The following COL25A1 variants were observed in gnomAD, a reference collection of about 807,000 sequenced individuals.
COL25A1 encodes collagen type XXV alpha 1 chain.
In COL25A1, 103 loss-of-function variants were observed where a neutral mutation model predicts 128.4. The observed-to-expected ratio is 0.80, with a 90% CI of 0.68 to 0.94. COL25A1 has a LOEUF of 0.94. Among genes scored for constraint, COL25A1 ranks in the 40% least tolerant of loss-of-function variants. COL25A1 has a pLI of 0.00. For missense variants in COL25A1, 745 were observed against 840.0 expected, an observed-to-expected ratio of 0.89 and a Z score of 1.40; for synonymous variants, 279 against 277.2, an observed-to-expected ratio of 1.01 and a Z score of -0.06.
intron 16 of COL25A1, among the ~76,000 whole-genome samples, chr4:108,896,019 C>T (rs1272267233): frequency 7.0e-6 from 1 of 142,142 alleles, no homozygotes; most frequent in Non-Finnish European, 1.5e-5. Context: ...GATCTCCGCT[C>T]ACTGCAAGCT....
intron 3 of COL25A1, among the ~76,000 whole-genome samples, chr4:109,273,725 T>C (rs114725841): frequency 6.4e-4 from 97 of 152,198 alleles, no homozygotes; most frequent in African/African-American, 2.2e-3. Flanking sequence ...ACCATCCTTA[T>C]AATTAGAAAA....
intron 5 of COL25A1, among the ~76,000 whole-genome samples, chr4:109,035,004 A>C (rs1408583730): frequency 6.6e-6 from 1 of 152,228 alleles, no homozygotes; most frequent in African/African-American, 2.4e-5. Context: ...GTTTAAAAGT[A>C]AGAAGTTTGA....
intron 3 of COL25A1, among the ~76,000 whole-genome samples, chr4:109,141,400 T>G (rs546161750): frequency 4.6e-5 from 7 of 151,802 alleles, no homozygotes; most frequent in East Asian, 3.9e-4. Context: ...TTTCCTTTTT[T>G]TGTGTGTGTC....
intron 3 of COL25A1, among the ~76,000 whole-genome samples, chr4:109,104,236 G>T (rs1014669179): frequency 3.3e-5 from 5 of 151,944 alleles, no homozygotes; most frequent in African/African-American, 1.2e-4. Context: ...AGCTGGGTAT[G>T]TTGGCACATA....
intron 13 of COL25A1, among the ~76,000 whole-genome samples, chr4:108,909,450 C>CT (rs1182554575): frequency 1.3e-5 from 2 of 152,114 alleles, no homozygotes; most frequent in Non-Finnish European, 2.9e-5. Context: ...CCAAACCTTC[C>CT]TTATGCTTTT....
intron 22 of COL25A1, 129 bp from the exon 23 acceptor site, chr4:108,861,100 C>T (rs1737157173): frequency 2.8e-6 from 2 of 707,178 alleles, no homozygotes; most frequent in Non-Finnish European, 4.9e-6. Context: ...CAACAGCAAC[C>T]ACCACCAAAA....
chr4:109,247,554 A>G (rs1426326809), intron 3 of COL25A1, among the ~76,000 whole-genome samples: 17 of 152,202 alleles, frequency 1.1e-4, no homozygotes, highest in Admixed American at 9.8e-4. Context: ...CTTACGTACA[A>G]TGCAAGGGCT....
At chr4:109,171,961 G>A (rs1366971004) in intron 3 of COL25A1, among the ~76,000 whole-genome samples, 1 of 152,084 alleles carries the variant, frequency 6.6e-6, no homozygotes, top group Non-Finnish European at 1.5e-5. Flanking sequence ...ATATCCCAGG[G>A]AATAAGGCCT....
intron 11 of COL25A1, among the ~76,000 whole-genome samples, chr4:108,923,627 T>C (rs1745716118): frequency 6.6e-6 from 1 of 152,214 alleles, no homozygotes; most frequent in South Asian, 2.1e-4. Context: ...ATTACAAGTG[T>C]TAGCTACTAC....
Position 108,841,574 on chromosome 4 carries a change from G to T in COL25A1, c.1656+121C>A, listed in dbSNP as rs534838756. ...GATTTAAACATATGGATGCTTAAAG[G>T]CTCAAAGATTATCAACATTACTTGA... On this transcript the variant is annotated intron_variant, in intron 31 of 37. Transcript: ENST00000399132. 13 of 793,108 alleles carry T rather than the reference G, an allele frequency of 1.6e-5. No individual in the cohort carries two copies. In the South Asian group the frequency reaches 2.3e-4, roughly 14 times the overall value. 49.1% of individuals were successfully genotyped at this position (793,108 alleles called of 1,614,324 possible). A position where few individuals can be genotyped will look rare whatever the true frequency, so the allele number is the denominator to read the frequency against.
Position 108,827,134 on chromosome 4 carries a change from C to A in COL25A1, c.1764+1G>T. 6.2e-7 allele frequency: 1 copy of A among 1,613,652 alleles called. No individual in the cohort carries two copies. The highest frequency in any genetic ancestry group is 8.5e-7 in the Non-Finnish European group (1 of 1,179,740). Reference sequence around the variant, plus strand: ...GGAGGTGCATGTGACCAGGAACTCACAGGCAGCCCATAGGGCCCTCTTGGT... The same window carrying A: ...GGAGGTGCATGTGACCAGGAACTCAAAGGCAGCCCATAGGGCCCTCTTGGT... On this transcript the variant is annotated splice_donor_variant, in intron 33 of 37. Transcript: ENST00000399132. LOFTEE classifies it high-confidence loss of function.
intron 34 of COL25A1, among the ~76,000 whole-genome samples, chr4:108,824,666 A>G (rs1232395297): frequency 1.3e-5 from 2 of 152,230 alleles, no homozygotes; most frequent in Non-Finnish European, 2.9e-5. Flanking sequence ...CATAAACAGT[A>G]ACTAGTATTA....
At chr4:108,995,227 G>A (rs1025741520) in intron 6 of COL25A1, among the ~76,000 whole-genome samples, 6 of 152,202 alleles carry the variant, frequency 3.9e-5, no homozygotes, top group Admixed American at 6.5e-5. Flanking sequence ...TTGACAAAAG[G>A]TTAGATGAAT....
chr4:109,071,226 G>A (rs1258179802), intron 3 of COL25A1, among the ~76,000 whole-genome samples: 1 of 152,100 alleles, frequency 6.6e-6, no homozygotes. Context: ...AATGGTGCTG[G>A]GAAAACTGGC....
intron 6 of COL25A1, among the ~76,000 whole-genome samples, chr4:108,989,952 C>A (rs916967424): frequency 6.6e-6 from 1 of 151,876 alleles, no homozygotes; most frequent in African/African-American, 2.4e-5. Flanking sequence ...GTGGCTTACT[C>A]CCGTAATGCC....
intron 3 of COL25A1, among the ~76,000 whole-genome samples, chr4:109,278,844 T>C (rs756931630): frequency 6.6e-6 from 1 of 152,206 alleles, no homozygotes; most frequent in Non-Finnish European, 1.5e-5. Context: ...AAAATTAACT[T>C]TTATTTCTCA....
chr4:109,235,896 T>C (rs1779445370), intron 3 of COL25A1, among the ~76,000 whole-genome samples: 1 of 152,204 alleles, frequency 6.6e-6, no homozygotes, highest in South Asian at 2.1e-4. Context: ...AACCTTCTCA[T>C]TGGCACAGAT....
At position 108,831,687 on chromosome 4, in the gene COL25A1, GGAGAGAGA is replaced by G. The variant is rs3062875; in HGVS notation, c.1710+685_1710+692del. On this transcript the variant is annotated intron_variant, in intron 32 of 37. Coordinates refer to ENST00000399132, the MANE Select transcript of COL25A1 (RefSeq NM_198721.4). Reference sequence around the variant, plus strand: ...GAGAAAAACAGAAAGAGAGAGAGGGGGAGAGAGAGAGAGAGAGAGAGAGAGAGAGCGCA... The same window carrying G: ...GAGAAAAACAGAAAGAGAGAGAGGGGGAGAGAGAGAGAGAGAGAGAGCGCA... Among the ~76,000 whole-genome samples, 556 of 144,274 alleles carry G rather than the reference GGAGAGAGA, an allele frequency of 3.9e-3. 2 individuals carry two copies. Among genetic ancestry groups the G allele is most frequent in the South Asian group, 5.4e-3 (24 of 4,458 alleles). 94.6% of individuals were successfully genotyped at this position (144,274 alleles called of 152,430 possible). A position where few individuals can be genotyped will look rare whatever the true frequency, so the allele number is the denominator to read the frequency against.
At chr4:109,161,852 A>G (rs752668453) in intron 3 of COL25A1, among the ~76,000 whole-genome samples, 48 of 152,208 alleles carry the variant, frequency 3.2e-4, no homozygotes, top group Admixed American at 7.2e-4. Context: ...TTCCCGGACC[A>G]GTTAGTGACT....
Sources: allele counts gnomAD v4.1 joint callset (sites outside exome capture counted in the v4.1 genomes callset), GRCh38; gene constraint gnomAD v4.1.1; transcripts MANE v1.5; gene names NCBI Gene and HGNC (gene_info 2026-07-23, HGNC 2026-07-21).